Variants in LINGO2 observed in about 807,000 individuals in gnomAD.
LINGO2 encodes the protein leucine rich repeat and Ig domain containing 2.
Under a neutral mutation model 30.6 loss-of-function variants are expected in LINGO2, and 14 were observed. The observed-to-expected ratio is 0.46, with a 90% confidence interval of 0.30 to 0.72. The LOEUF (loss-of-function observed/expected upper bound fraction) is 0.72, where lower values mean the gene tolerates loss of function less well. Ranked by LOEUF, LINGO2 falls within the 30% of genes least tolerant of loss-of-function variation. LINGO2 has a pLI of 0.07. For missense variants in LINGO2, 729 were observed against 751.7 expected (o/e 0.97, Z 0.35); for synonymous variants, 317 against 288.5 (o/e 1.10, Z -1.00).
At chr9:29,052,133 G>T in the LINGO2 span, among the ~76,000 whole-genome samples, 6 of 152,024 alleles carry the variant, frequency 3.9e-5, no homozygotes, top group Non-Finnish European at 5.9e-5. Context: ...AATAACAATA[G>T]AATCTTATTG....
chr9:28,424,243 T>C (rs1187689757), intron 2 of LINGO2, among the ~76,000 whole-genome samples: 3 of 152,164 alleles, frequency 2.0e-5, no homozygotes. Flanking sequence ...TTCAGCTCAC[T>C]TTGTGTAGAA....
At chr9:28,325,391 T>G (rs546594947) in intron 3 of LINGO2, among the ~76,000 whole-genome samples, 288 of 152,238 alleles carry the variant, frequency 1.9e-3, no homozygotes, top group Middle Eastern at 3.4e-3. Context: ...GTAGAACAGC[T>G]GGAGCCAAAC....
At chr9:29,000,174 T>C in the LINGO2 span, among the ~76,000 whole-genome samples, 206 of 152,090 alleles carry the variant, frequency 1.4e-3, 1 homozygote, top group African/African-American at 4.7e-3. Flanking sequence ...TTGTGGTAAG[T>C]ATTCTTCGGC....
At chr9:28,635,354 A>T (rs1269984499) in intron 1 of LINGO2, among the ~76,000 whole-genome samples, 1 of 152,214 alleles carries the variant, frequency 6.6e-6, no homozygotes, top group Non-Finnish European at 1.5e-5. Flanking sequence ...CCCTGAAACA[A>T]TATGATATTT....
the LINGO2 span, among the ~76,000 whole-genome samples, chr9:28,788,498 G>C: frequency 2.0e-5 from 3 of 152,128 alleles, no homozygotes; most frequent in South Asian, 6.2e-4. Flanking sequence ...ATTTGAGAGC[G>C]AACCACACGT....
At chr9:28,539,082 A>G (rs1405642300) in intron 1 of LINGO2, among the ~76,000 whole-genome samples, 1 of 152,136 alleles carries the variant, frequency 6.6e-6, no homozygotes, top group Non-Finnish European at 1.5e-5. Context: ...TATAAAATAC[A>G]TACCTAAATA....
the LINGO2 span, among the ~76,000 whole-genome samples, chr9:28,726,611 T>C: frequency 6.6e-6 from 1 of 152,168 alleles, no homozygotes; most frequent in African/African-American, 2.4e-5. Flanking sequence ...AGGTGATTTT[T>C]ATAAAAAACA....
At chr9:28,752,486 A>G in the LINGO2 span, among the ~76,000 whole-genome samples, 8,554 of 152,118 alleles carry the variant, frequency 0.056, 369 homozygotes, top group East Asian at 0.17. Context: ...TAGGCACACA[A>G]TCTATGCTAT....
chr9:28,926,531 G>A, the LINGO2 span, among the ~76,000 whole-genome samples: 2 of 152,184 alleles, frequency 1.3e-5, no homozygotes, highest in South Asian at 2.1e-4. Context: ...AGCCTGGTTT[G>A]CAAAACAGAA....
the LINGO2 span, among the ~76,000 whole-genome samples, chr9:28,756,565 G>A: frequency 1.3e-5 from 2 of 151,802 alleles, no homozygotes; most frequent in Non-Finnish European, 1.5e-5. Context: ...TGTTTGGCTC[G>A]GTGTCCCAAA....
At chr9:29,033,900 G>C in the LINGO2 span, among the ~76,000 whole-genome samples, 35 of 151,998 alleles carry the variant, frequency 2.3e-4, no homozygotes, top group African/African-American at 8.4e-4. Flanking sequence ...GGCCAATATG[G>C]TGCAACCCCA....
intron 4 of LINGO2, among the ~76,000 whole-genome samples, chr9:28,235,939 C>T (rs1022037579): frequency 3.9e-5 from 6 of 152,018 alleles, no homozygotes; most frequent in African/African-American, 1.4e-4. Context: ...AGAGGACTTC[C>T]TAATCCTAGG....
At chr9:28,942,106 C>A in the LINGO2 span, among the ~76,000 whole-genome samples, 1 of 151,930 alleles carries the variant, frequency 6.6e-6, no homozygotes, top group East Asian at 1.9e-4. Flanking sequence ...AGAATGAGAA[C>A]CATGTCTTTG....
the LINGO2 span, among the ~76,000 whole-genome samples, chr9:28,751,389 C>T: frequency 6.6e-6 from 1 of 150,548 alleles, no homozygotes; most frequent in South Asian, 2.1e-4. Flanking sequence ...GCCTCAGAGA[C>T]TTAATATGTC....
At chr9:28,189,345 GAGGAAGGA>G (rs1819681977) in intron 4 of LINGO2, among the ~76,000 whole-genome samples, 1 of 7,584 alleles carries the variant, frequency 1.3e-4, no homozygotes, top group Non-Finnish European at 2.5e-4. Context: ...GGAAGGAAGG[GAGGAAGGA>G]AGGGAGGGAG....
chr9:28,345,879 C>A (rs1281130672), intron 3 of LINGO2, among the ~76,000 whole-genome samples: 2 of 152,244 alleles, frequency 1.3e-5, no homozygotes, highest in East Asian at 3.9e-4. Flanking sequence ...AGCAAAAGTC[C>A]TTATATAAAC....
chr9:28,524,530 G>A (rs941177953), intron 1 of LINGO2, among the ~76,000 whole-genome samples: 39 of 152,208 alleles, frequency 2.6e-4, no homozygotes, highest in Non-Finnish European at 4.6e-4. Context: ...TGAGGCCGGG[G>A]GATCACAAGG....
chr9:28,276,772 G>C (rs572921209), intron 4 of LINGO2, among the ~76,000 whole-genome samples: 48 of 152,022 alleles, frequency 3.2e-4, no homozygotes, highest in African/African-American at 1.2e-3. Context: ...GAGCTACAGG[G>C]GGATAAAATG....
chr9:28,062,555 TACATATATAGTATATATACACAATC>T (rs1825179952), intron 4 of LINGO2, among the ~76,000 whole-genome samples: 1 of 145,652 alleles, frequency 6.9e-6, no homozygotes, highest in African/African-American at 2.5e-5. Context: ...ATATTGTATA[TACATATATAGTATATATACACAATC>T]AAATATATAT....
Sources: allele counts gnomAD v4.1 joint callset (sites outside exome capture counted in the v4.1 genomes callset), GRCh38; gene constraint gnomAD v4.1.1; transcripts MANE v1.5; gene names NCBI Gene and HGNC (gene_info 2026-07-23, HGNC 2026-07-21).